The following ABL2 variants were observed in gnomAD, a reference collection of about 807,000 sequenced individuals.
ABL2 encodes tyrosine-protein kinase ABL2.
Under a neutral mutation model 107.7 loss-of-function variants are expected in ABL2, and 49 were observed. The ratio of observed to expected loss-of-function variants is 0.45; its 90% confidence interval spans 0.36 to 0.58. The LOEUF (loss-of-function observed/expected upper bound fraction) is 0.58, where lower values mean the gene tolerates loss of function less well. Ranked by LOEUF, ABL2 falls within the 20% of genes least tolerant of loss-of-function variation. The probability of loss-of-function intolerance (pLI) is 0.00; values close to 1 mark genes in which losing one functional copy is unlikely to be tolerated. For missense variants in ABL2, 1,245 were observed against 1,457.0 expected, an observed-to-expected ratio of 0.85 and a Z score of 2.37; for synonymous variants, 549 against 548.6, an observed-to-expected ratio of 1.00 and a Z score of -0.01.
chr1:179,191,137 A>C (rs1361139212), intron 1 of ABL2, among the ~76,000 whole-genome samples: 1 of 152,226 alleles, frequency 6.6e-6, no homozygotes, highest in Non-Finnish European at 1.5e-5. Context: ...TCAGAAAAGA[A>C]AACCCAGAAT....
intron 3 of ABL2, among the ~76,000 whole-genome samples, chr1:179,128,243 T>A (rs1411652932): frequency 6.6e-6 from 1 of 151,966 alleles, no homozygotes; most frequent in Admixed American, 6.6e-5. Context: ...TATACACCTA[T>A]GGGTACATAA....
chr1:179,159,402 A>G (rs570236552), intron 1 of ABL2, among the ~76,000 whole-genome samples: 6 of 152,214 alleles, frequency 3.9e-5, no homozygotes, highest in Non-Finnish European at 7.3e-5. Flanking sequence ...TACTCAACAT[A>G]TTGGCTCAAA....
intron 1 of ABL2, among the ~76,000 whole-genome samples, chr1:179,201,098 G>T (rs1661642184): frequency 6.6e-6 from 1 of 152,070 alleles, no homozygotes; most frequent in Admixed American, 6.5e-5. Context: ...GGAAATGTAG[G>T]AACCCTCCCC....
intron 1 of ABL2, among the ~76,000 whole-genome samples, chr1:179,160,295 C>T (rs978179156): frequency 6.6e-6 from 1 of 151,766 alleles, no homozygotes; most frequent in Admixed American, 6.6e-5. Context: ...AGGAGGATCA[C>T]CTGAGGCCAG....
chr1:179,190,294 G>A (rs895299722), intron 1 of ABL2, among the ~76,000 whole-genome samples: 1 of 152,126 alleles, frequency 6.6e-6, no homozygotes, highest in African/African-American at 2.4e-5. Context: ...ATTTGCAAGA[G>A]TGGCTCACGG....
chr1:179,145,207 T>C (rs1657900844), intron 1 of ABL2, among the ~76,000 whole-genome samples: 1 of 152,202 alleles, frequency 6.6e-6, no homozygotes, highest in South Asian at 2.1e-4. Flanking sequence ...ATTTTTCTAG[T>C]TCTGGAAGTC....
At chr1:179,223,183 G>A (rs897909499) in intron 1 of ABL2, among the ~76,000 whole-genome samples, 1 of 151,276 alleles carries the variant, frequency 6.6e-6, no homozygotes, top group Non-Finnish European at 1.5e-5. Context: ...GGAGGCCAAG[G>A]TGGGAGAATC....
chr1:179,115,323 G>A (rs1010226935), intron 8 of ABL2, among the ~76,000 whole-genome samples: 2 of 152,104 alleles, frequency 1.3e-5, no homozygotes, highest in African/African-American at 4.8e-5. Context: ...GAAGTCTGAG[G>A]CATAATCCAA....
intron 4 of ABL2, among the ~76,000 whole-genome samples, chr1:179,123,408 G>C (rs1655411842): frequency 6.6e-6 from 1 of 152,102 alleles, no homozygotes; most frequent in Non-Finnish European, 1.5e-5. Context: ...GGGAGGCTGA[G>C]GTGGGAGGAT....
At chr1:179,201,935 C>G (rs191232783) in intron 1 of ABL2, 2 of 1,212,706 alleles carry the variant, frequency 1.6e-6, no homozygotes, top group African/African-American at 3.1e-5. Flanking sequence ...GAGGGGCTGT[C>G]CTGCCACCCA....
chr1:179,151,756 T>C (rs1028165436), intron 1 of ABL2, among the ~76,000 whole-genome samples: 2 of 152,182 alleles, frequency 1.3e-5, no homozygotes, highest in Non-Finnish European at 2.9e-5. Flanking sequence ...TTAATTCAAT[T>C]TCTCCCTAAC....
At chr1:179,156,867 G>A (rs964545884) in intron 1 of ABL2, among the ~76,000 whole-genome samples, 17 of 149,438 alleles carry the variant, frequency 1.1e-4, no homozygotes, top group Non-Finnish European at 2.2e-4. Context: ...AACAGAGTGA[G>A]TGAGAGTCTG....
intron 4 of ABL2, among the ~76,000 whole-genome samples, chr1:179,122,626 T>C (rs758537374): frequency 4.0e-5 from 6 of 151,838 alleles, no homozygotes; most frequent in African/African-American, 7.3e-5. Context: ...ACTCAAATTA[T>C]GTATTTTTTC....
chr1:179,229,171 C>CAGGGGCCCCCCCA, intron 1 of ABL2, 70 bp downstream of exon 1: 1 of 326,304 alleles, frequency 3.1e-6, no homozygotes, highest in Non-Finnish European at 6.1e-6. Flanking sequence ...AGCCCGTCCG[C>CAGGGGCCCCCCCA]CACCCACCCC....
Position 179,188,349 on chromosome 1 carries a change from C to T in ABL2, c.157+40892G>A, listed in dbSNP as rs116699201. On this transcript the variant is annotated intron_variant, in intron 1 of 11. Coordinates refer to ENST00000502732, the MANE Select transcript of ABL2 (RefSeq NM_007314.4). ...CTAAGGGCAGGAGTTGGAGATGAGC[C>T]TGGCCAATATGGCGAAACCCTATCT... Among the ~76,000 whole-genome samples the T allele has an allele frequency of 8.5e-3, 1,290 of 152,144 alleles. 15 individuals are homozygous for T. Among genetic ancestry groups the T allele is most frequent in the African/African-American group, 0.03 (1,231 of 41,492 alleles).
chr1:179,131,250 C>T (rs2102664295), intron 3 of ABL2, 61 bp downstream of exon 3: 1 of 1,563,496 alleles, frequency 6.4e-7, no homozygotes. Context: ...GGCCAGGCCC[C>T]TTTATCTCTT....
At chr1:179,123,131 T>A (rs1655386415) in intron 4 of ABL2, among the ~76,000 whole-genome samples, 1 of 152,202 alleles carries the variant, frequency 6.6e-6, no homozygotes, top group Non-Finnish European at 1.5e-5. Flanking sequence ...GATTTAGATT[T>A]TTTTGGTAAG....
intron 11 of ABL2, among the ~76,000 whole-genome samples, chr1:179,109,939 A>G (rs1653877938): frequency 6.6e-6 from 1 of 151,816 alleles, no homozygotes; most frequent in African/African-American, 2.4e-5. Context: ...AAAAAAAAAA[A>G]AGAAAAAAAA....
intron 1 of ABL2, among the ~76,000 whole-genome samples, chr1:179,223,641 A>AT (rs926960747): frequency 2.5e-4 from 38 of 151,620 alleles, no homozygotes; most frequent in African/African-American, 8.2e-4. Context: ...CTAACAGCTG[A>AT]TTTTTTTTTA....
Sources: gnomAD v4.1 joint callset for allele counts (sites outside exome capture counted in the v4.1 genomes callset) on GRCh38, gnomAD v4.1.1 for gene constraint, MANE v1.5 for transcripts, NCBI Gene and HGNC (gene_info 2026-07-23, HGNC 2026-07-21) for gene names.